Variants in ZEB2 observed in about 807,000 individuals in gnomAD.
ZEB2 encodes zinc finger E-box-binding homeobox 2.
Under a neutral mutation model 99.9 loss-of-function variants are expected in ZEB2, and 6 were observed. The ratio of observed to expected loss-of-function variants is 0.06; its 90% confidence interval spans 0.03 to 0.12. ZEB2 has a LOEUF of 0.12. Ranked by LOEUF, ZEB2 falls within the 10% of genes least tolerant of loss-of-function variation. ZEB2 has a pLI of 1.00. For synonymous variants in ZEB2, 517 were observed against 542.5 expected (o/e 0.95, Z 0.65); for missense variants, 969 against 1,502.8 (o/e 0.64, Z 5.87).
chr2:144,469,852 C>T (rs1408139016), intron 2 of ZEB2, among the ~76,000 whole-genome samples: 1 of 152,148 alleles, frequency 6.6e-6, no homozygotes, highest in Non-Finnish European at 1.5e-5. Flanking sequence ...TAAGGAAGAG[C>T]CAAGTGCATC....
chr2:144,498,229 C>T lies in ZEB2; in HGVS notation c.73+19049G>A, dbSNP rs577460700. On this transcript the variant is annotated intron_variant, in intron 2 of 9. Transcript: ENST00000627532. ...AGCTCATAGGGCACTACGAACCAAA[C>T]GTAAAGAGGTAAGATTTCTACTGCA... 9.2e-5 allele frequency among the ~76,000 whole-genome samples: 13 copies of T among 141,774 alleles called. No individual in the cohort carries two copies. In the South Asian group the frequency reaches 2.1e-3, roughly 23 times the overall value. 93.0% of individuals were successfully genotyped at this position (141,774 alleles called of 152,430 possible). A position where few individuals can be genotyped will look rare whatever the true frequency, so the allele number is the denominator to read the frequency against.
chr2:144,477,107 A>G lies in ZEB2; in HGVS notation c.73+40171T>C, dbSNP rs377364802. ...GCAATAAGAGCTGAGGCCCTACCCT[A>G]TTTTAAATTTAACTCTATGAAAATG... On this transcript the variant is annotated intron_variant, in intron 2 of 9. Transcript: ENST00000627532. Among the ~76,000 whole-genome samples, 5 of 152,318 alleles carry G rather than the reference A, an allele frequency of 3.3e-5. No individual in the cohort carries two copies. The East Asian group carries it at 9.6e-4, about 29-fold the overall frequency.
intron 4 of ZEB2, among the ~76,000 whole-genome samples, chr2:144,411,120 AT>A: frequency 2.2e-5 from 1 of 46,004 alleles, no homozygotes; most frequent in African/African-American, 4.2e-5. Context: ...GGCATCTCAT[AT>A]ATACACACAC....
intron 2 of ZEB2, among the ~76,000 whole-genome samples, chr2:144,468,659 G>A (rs985529297): frequency 4.5e-5 from 5 of 110,860 alleles, no homozygotes; most frequent in Admixed American, 1.0e-4. Context: ...ACATGTTTGC[G>A]TGTATTACAG....
intron 2 of ZEB2, chr2:144,463,225 G>A (rs1414970540): frequency 6.6e-6 from 1 of 152,074 alleles, no homozygotes; most frequent in Non-Finnish European, 1.5e-5. Flanking sequence ...GAAAGAAATA[G>A]GGCAAAGGAC....
intron 2 of ZEB2, among the ~76,000 whole-genome samples, chr2:144,438,329 A>G (rs1703863277): frequency 6.6e-6 from 1 of 152,208 alleles, no homozygotes; most frequent in Non-Finnish European, 1.5e-5. Flanking sequence ...ATGGGAAAGA[A>G]CAGCTCTTCC....
chr2:144,457,721 A>T (rs571854190), intron 2 of ZEB2, among the ~76,000 whole-genome samples: 81 of 152,246 alleles, frequency 5.3e-4, no homozygotes, highest in African/African-American at 1.8e-3. Flanking sequence ...AAGGTTTTTT[A>T]AATTTTTATT....
chr2:144,415,165 C>G (rs1328305876), intron 4 of ZEB2, among the ~76,000 whole-genome samples: 2 of 151,628 alleles, frequency 1.3e-5, no homozygotes, highest in Non-Finnish European at 2.9e-5. Context: ...TTTAAAATTT[C>G]CATTTAATAT....
At chr2:144,465,359 T>C (rs1704256879) in intron 2 of ZEB2, among the ~76,000 whole-genome samples, 1 of 152,142 alleles carries the variant, frequency 6.6e-6, no homozygotes, top group Admixed American at 6.6e-5. Context: ...CATCGTAGTT[T>C]TTGTGATTGT....
rs534830799 is a variant in ZEB2, at chr2:144,479,640, T to C, written c.73+37638A>G. Among the ~76,000 whole-genome samples, 5 of 132,120 alleles carry C rather than the reference T, an allele frequency of 3.8e-5. No individual in the cohort carries two copies. The East Asian group carries it at 9.6e-4, about 25-fold the overall frequency. The allele number at this position is 132,120 out of a possible 152,430, so 86.7% of individuals were successfully genotyped here. On this transcript the variant is annotated intron_variant, in intron 2 of 9. Transcript: ENST00000627532. ...CTGCTTTATTGGAATTTTAGATGAGTGTGTTTGCCATACTCTTAGTGAGTG... is the reference window on the plus strand; with the variant it reads ...CTGCTTTATTGGAATTTTAGATGAGCGTGTTTGCCATACTCTTAGTGAGTG...
intron 3 of ZEB2, chr2:144,427,776 G>A (rs1030662354): frequency 6.6e-6 from 1 of 152,148 alleles, no homozygotes; most frequent in African/African-American, 2.4e-5. Context: ...AATGAGATTA[G>A]GGATTTACAT....
chr2:144,517,053 A>C (rs1573821201), intron 2 of ZEB2, among the ~76,000 whole-genome samples: 1 of 145,944 alleles, frequency 6.9e-6, no homozygotes, highest in East Asian at 2.1e-4. Context: ...CCGCGCTCGG[A>C]CCCCCGGGTG....
intron 4 of ZEB2, among the ~76,000 whole-genome samples, chr2:144,418,060 G>A (rs536301135): frequency 2.6e-5 from 4 of 152,178 alleles, no homozygotes; most frequent in African/African-American, 4.8e-5. Context: ...ATTATTATAC[G>A]TAATCATTAT....
intron 9 of ZEB2, among the ~76,000 whole-genome samples, chr2:144,395,565 A>G (rs1042993100): frequency 2.0e-5 from 3 of 151,972 alleles, no homozygotes; most frequent in Non-Finnish European, 2.9e-5. Context: ...GAAGAATTGG[A>G]GATGGGCTAG....
chr2:144,503,530 T>C (rs978596098), intron 2 of ZEB2: 5 of 151,978 alleles, frequency 3.3e-5, no homozygotes, highest in African/African-American at 1.2e-4. Flanking sequence ...CCAAGTCTAG[T>C]TGGAAAGTAA....
chr2:144,398,042 A>G, intron 8 of ZEB2: 1 of 395,968 alleles, frequency 2.5e-6, no homozygotes, highest in Non-Finnish European at 4.8e-6. Context: ...TTAAAAGCAG[A>G]TGAGTCCATC....
At chr2:144,400,843 A>G (rs1336986264) in intron 7 of ZEB2, among the ~76,000 whole-genome samples, 1 of 152,068 alleles carries the variant, frequency 6.6e-6, no homozygotes, top group Non-Finnish European at 1.5e-5. Flanking sequence ...CCTTTTTTTC[A>G]TGGGTAGGTC....
intron 2 of ZEB2, 42 bp downstream of exon 2, chr2:144,517,236 C>G: frequency 6.2e-7 from 1 of 1,611,872 alleles, no homozygotes; most frequent in South Asian, 1.1e-5. Flanking sequence ...GGTCTCGAGC[C>G]GCGTAGTGGC....
Position 144,417,165 on chromosome 2 carries a change from T to C in ZEB2, c.403+7631A>G, listed in dbSNP as rs186173503. ...TTAGTAGGGTCCCAATAAGTGACCA[T>C]TGAGTTGAATAACTAATGAGGCTAT... On this transcript the variant is annotated intron_variant, in intron 4 of 9. Transcript: ENST00000627532. Among the ~76,000 whole-genome samples the C allele has an allele frequency of 9.1e-4, 138 of 152,332 alleles. No individual in the cohort carries two copies. In the Middle Eastern group the frequency reaches 0.014, roughly 15 times the overall value.
Sources: gnomAD v4.1 joint callset for allele counts (sites outside exome capture counted in the v4.1 genomes callset) on GRCh38, gnomAD v4.1.1 for gene constraint, MANE v1.5 for transcripts, NCBI Gene and HGNC (gene_info 2026-07-23, HGNC 2026-07-21) for gene names.